ABCG1: variants seen among roughly 807,000 people sequenced by gnomAD.
The protein encoded by ABCG1 is ATP binding cassette subfamily G member 1, also known as ATP-binding cassette sub-family G member 1.
In ABCG1, 29 loss-of-function variants were observed where a neutral mutation model predicts 69.2. The observed-to-expected ratio is 0.42, with a 90% CI of 0.31 to 0.57. ABCG1 has a LOEUF of 0.57. ABCG1 is among the 20% of genes least tolerant of loss of function. The pLI, the probability that ABCG1 is intolerant of heterozygous loss-of-function variation, is 0.15. For missense variants in ABCG1, 718 were observed against 898.1 expected, an observed-to-expected ratio of 0.80 and a Z score of 2.56; for synonymous variants, 370 against 374.8, an observed-to-expected ratio of 0.99 and a Z score of 0.15.
Position 42,283,712 on chromosome 21 carries a change from TACCACCCACCACCCAGATGAGTGGGGAC to T in ABCG1, c.735-847_735-820del, listed in dbSNP as rs2068862063. On this transcript the variant is annotated intron_variant, in intron 6 of 14. Coordinates refer to ENST00000398449, the MANE Select transcript of ABCG1 (RefSeq NM_016818.3). ...CTTTCCCACCTGGACAGTTGTGAAG[TACCACCCACCACCCAGATGAGTGGGGAC>T]CCCCCACCTCTGTCCTGCCTGGACA... 9.8e-4 allele frequency among the ~76,000 whole-genome samples: 75 copies of T among 76,464 alleles called. 12 individuals are homozygous for T. Among genetic ancestry groups the T allele is most frequent in the African/African-American group, 4.6e-3 (71 of 15,520 alleles). The allele number at this position is 76,464 out of a possible 152,430, so 50.2% of individuals were successfully genotyped here.
intron 2 of ABCG1, among the ~76,000 whole-genome samples, chr21:42,270,037 G>A (rs1040508013): frequency 1.3e-5 from 2 of 151,854 alleles, no homozygotes; most frequent in African/African-American, 4.8e-5. Context: ...AGGCCGAGGC[G>A]GGCGGATCAC....
At chr21:42,278,320 C>T (rs189310488) in intron 5 of ABCG1, among the ~76,000 whole-genome samples, 2 of 152,196 alleles carry the variant, frequency 1.3e-5, no homozygotes, top group Admixed American at 6.5e-5. Context: ...CTCCCAAGCC[C>T]GAGAATGTTA....
chr21:42,268,362 G>GGGGTGT (rs375702317), intron 2 of ABCG1, among the ~76,000 whole-genome samples: 9 of 147,704 alleles, frequency 6.1e-5, no homozygotes, highest in Admixed American at 6.0e-4. Context: ...TAGAGGTAGG[G>GGGGTGT]GTGTGTGTGT....
rs143430815 is a variant in ABCG1, at chr21:42,290,217, A to T, written c.1392A>T (p.Thr464=). 8.7e-6 allele frequency: 14 copies of T among 1,613,606 alleles called. No individual in the cohort carries two copies. The highest frequency in any genetic ancestry group is 1.0e-5 in the Non-Finnish European group (12 of 1,179,650). ...MFAALMPTVL[T]FPLEMGVFLR... ...CGGCCCTCATGCCTACTGTTCTGAC[A>T]TGTGAGTGACAGACCGCTGACCCCT... The change falls in exon 11 of 15, where the codon ACA becomes ACT. Residue 464 remains threonine, a splice_region_variant and synonymous_variant. Transcript: ENST00000398449.
chr21:42,250,048 G>A (rs987771099), intron 2 of ABCG1, among the ~76,000 whole-genome samples: 6 of 151,798 alleles, frequency 4.0e-5, no homozygotes, highest in African/African-American at 1.5e-4. Context: ...GTCCTCACTG[G>A]GTGAGGAAGG....
chr21:42,282,102 C>A (rs1453782140), intron 5 of ABCG1, among the ~76,000 whole-genome samples, 172 bp from the exon 6 acceptor site: 1 of 152,220 alleles, frequency 6.6e-6, no homozygotes, highest in Non-Finnish European at 1.5e-5. Flanking sequence ...TGGCACCTGC[C>A]CCACTTGGCA....
chr21:42,202,528 T>G (rs756820403), intron 2 of ABCG1, among the ~76,000 whole-genome samples: 9 of 148,466 alleles, frequency 6.1e-5, no homozygotes, highest in Non-Finnish European at 1.2e-4. Flanking sequence ...CACGCCTCCC[T>G]CCCCCCATCC....
chr21:42,214,992 C>A (rs2123479930), upstream of ABCG1, among the ~76,000 whole-genome samples: 1 of 152,336 alleles, frequency 6.6e-6, no homozygotes, highest in Admixed American at 6.5e-5. Context: ...ATGTCCCCGG[C>A]CACACAGTGA....
chr21:42,248,902 C>CA (rs71332356), intron 2 of ABCG1, among the ~76,000 whole-genome samples: 17,254 of 90,882 alleles, frequency 0.19, 2,346 homozygotes, highest in African/African-American at 0.38. Flanking sequence ...AGACCTCTCT[C>CA]AAAAAAAAAA....
At chr21:42,280,446 C>T (rs1414641079) in intron 5 of ABCG1, among the ~76,000 whole-genome samples, 7 of 152,194 alleles carry the variant, frequency 4.6e-5, no homozygotes, top group East Asian at 1.9e-4. Flanking sequence ...CCTGGGCTGC[C>T]GAGATCCTCC....
rs529224217 is a variant in ABCG1, at chr21:42,291,005, G to T, written c.1394-87G>T. ...CTAGGCCAGAGCTGGGTTACCAGCCGCTCAGCTCAAGATCGCCTGTTGGGA... is the reference window on the plus strand; with the variant it reads ...CTAGGCCAGAGCTGGGTTACCAGCCTCTCAGCTCAAGATCGCCTGTTGGGA... On this transcript the variant is annotated intron_variant, in intron 11 of 14. Transcript: ENST00000398449. This position sits in a 1 kb window ranked among gnomAD's most constrained non-coding sequence, Gnocchi z 6.4. The T allele has an allele frequency of 3.1e-6, 3 of 970,786 alleles. No homozygotes were observed. Among genetic ancestry groups the T allele is most frequent in the Admixed American group, 2.0e-5 (1 of 51,252 alleles). 60.1% of individuals were successfully genotyped at this position (970,786 alleles called of 1,614,324 possible).
rs1287680561 is a variant in ABCG1 at position 42,284,619 on chromosome 21, G to A, written c.794G>A (p.Gly265Glu). The A allele has an allele frequency of 3.7e-6, 6 of 1,613,884 alleles. No individual in the cohort carries two copies. The African/African-American group carries it at 6.7e-5, about 18-fold the overall frequency. ...VVSLMKGLAQ[G>E]GRSIICTIHQ... ...TCGCTGATGAAAGGGCTCGCTCAAG[G>A]GGGTCGCTCCATCATTTGCACCATC... Residue 265 changes from glycine (G) to glutamate (E), a missense_variant, in exon 7 of 15, where the codon GGG becomes GAG. Gly to Glu is a moderately conservative substitution (Grantham distance 98). Coordinates refer to ENST00000398449, the MANE Select transcript of ABCG1 (RefSeq NM_016818.3).
Position 42,203,375 on chromosome 21 carries a change from G to A in ABCG1, c.48+1652G>A, listed in dbSNP as rs115022090. Among the ~76,000 whole-genome samples, 686 of 152,202 alleles carry A rather than the reference G, an allele frequency of 4.5e-3. 5 individuals are homozygous for A. The highest frequency in any genetic ancestry group is 0.015 in the African/African-American group (633 of 41,524). ...CATGCTTTTGGAACTCTTTGGCTCCGTATCCTAAAGATTTCCTCCTAATAT... is the reference window on the plus strand; with the variant it reads ...CATGCTTTTGGAACTCTTTGGCTCCATATCCTAAAGATTTCCTCCTAATAT... On this transcript the variant is annotated intron_variant, in intron 2 of 15. Coordinates refer to the ABCG1 transcript ENST00000398457.
chr21:42,221,547 G>A (rs9976024), intron 1 of ABCG1, among the ~76,000 whole-genome samples: 22,136 of 152,132 alleles, frequency 0.15, 1,806 homozygotes, highest in East Asian at 0.24. Context: ...GGTATTTGGA[G>A]GTGTTCTGGG....
intron 10 of ABCG1, among the ~76,000 whole-genome samples, chr21:42,289,451 C>T (rs946175736): frequency 1.2e-4 from 19 of 152,168 alleles, no homozygotes; most frequent in African/African-American, 4.6e-4. Flanking sequence ...GGGCTGTAGG[C>T]GAGTCCATTT....
intron 6 of ABCG1, among the ~76,000 whole-genome samples, chr21:42,283,219 G>C (rs1303439931): frequency 2.0e-5 from 3 of 152,222 alleles, no homozygotes; most frequent in Non-Finnish European, 4.4e-5. Flanking sequence ...CTGAGGGGGG[G>C]ATGGCGGGGC....
intron 1 of ABCG1, among the ~76,000 whole-genome samples, chr21:42,222,256 C>G (rs1387778156): frequency 6.6e-6 from 1 of 152,186 alleles, no homozygotes; most frequent in Non-Finnish European, 1.5e-5. Flanking sequence ...CAGCTCTCAT[C>G]GGAGGATGTG....
chr21:42,248,709 G>A (rs547582544), intron 2 of ABCG1, among the ~76,000 whole-genome samples: 3 of 151,514 alleles, frequency 2.0e-5, no homozygotes, highest in South Asian at 2.1e-4. Context: ...GCAACATGGC[G>A]AAACCCTGCC....
chr21:42,273,521 G>A lies in ABCG1; in HGVS notation c.537+86G>A. On this transcript the variant is annotated intron_variant, in intron 4 of 14. Transcript: ENST00000398449. This position sits in a 1 kb window ranked among gnomAD's most constrained non-coding sequence, Gnocchi z 5.3. ...AGACACAGCACTGGCCGAGTGCCCA[G>A]CTGCGAGGGACCCAAGGGCTCTGCC... 1 of 1,482,782 alleles carries A rather than the reference G, an allele frequency of 6.7e-7. No individual in the cohort carries two copies. The highest frequency in any genetic ancestry group is 9.1e-7 in the Non-Finnish European group (1 of 1,100,964). The allele number at this position is 1,482,782 out of a possible 1,614,324, so 91.9% of individuals were successfully genotyped here. A position where few individuals can be genotyped will look rare whatever the true frequency, so the allele number is the denominator to read the frequency against.
Sources: allele counts gnomAD v4.1 joint callset (sites outside exome capture counted in the v4.1 genomes callset), GRCh38; gene constraint gnomAD v4.1.1; non-coding constraint Gnocchi (gnomAD v3.1); transcripts MANE v1.5; gene names NCBI Gene and HGNC (gene_info 2026-07-23, HGNC 2026-07-21).